The following ARFIP1 variants were observed in gnomAD, a reference collection of about 807,000 sequenced individuals.
ARFIP1 encodes the protein ARF interacting protein 1, also known as arfaptin-1.
In ARFIP1, 24 loss-of-function variants were observed where a neutral mutation model predicts 42.5. The observed-to-expected ratio is 0.57, with a 90% CI of 0.41 to 0.80. The LOEUF (loss-of-function observed/expected upper bound fraction) is 0.80. Ranked by LOEUF, ARFIP1 falls within the 30% of genes least tolerant of loss-of-function variation. The probability of loss-of-function intolerance (pLI) is 0.00; values close to 1 mark genes in which losing one functional copy is unlikely to be tolerated. For synonymous variants in ARFIP1, 141 were observed against 153.7 expected, an observed-to-expected ratio of 0.92 and a Z score of 0.61; for missense variants, 354 against 434.0, an observed-to-expected ratio of 0.82 and a Z score of 1.64.
At chr4:152,816,628 G>A (rs554084975) in intron 1 of ARFIP1, among the ~76,000 whole-genome samples, 1 of 152,320 alleles carries the variant, frequency 6.6e-6, no homozygotes, top group South Asian at 2.1e-4. Context: ...ATATTTGTTT[G>A]TTTTTCCCAA....
At chr4:152,828,954 A>T (rs1355209670) in intron 1 of ARFIP1, among the ~76,000 whole-genome samples, 2 of 152,188 alleles carry the variant, frequency 1.3e-5, no homozygotes, top group African/African-American at 4.8e-5. Context: ...CAGCACCATT[A>T]TTCCAGCACC....
In ARFIP1 at chr4:152,863,653, A is replaced by G. The variant is rs749980564; in HGVS notation, c.141A>G (p.Gln47=). Residue 47 remains glutamine (Q), a synonymous_variant, in exon 3 of 9, where the codon CAA becomes CAG. Coordinates refer to ENST00000353617, the MANE Select transcript of ARFIP1 (RefSeq NM_001025595.3). Reference sequence around the variant, plus strand: ...CTGGACTTGGTCTCTCAGAAACCCAAATTACATCTCATGGCTTTGACAATA... The same window carrying G: ...CTGGACTTGGTCTCTCAGAAACCCAGATTACATCTCATGGCTTTGACAATA... ...LPSGLGLSET[Q]ITSHGFDNTK... The G allele has an allele frequency of 1.2e-6, 2 of 1,611,650 alleles. No homozygotes were observed. Among genetic ancestry groups the G allele is most frequent in the East Asian group, 2.2e-5 (1 of 44,714 alleles).
chr4:152,830,170 T>A (rs1234762441), intron 2 of ARFIP1, among the ~76,000 whole-genome samples: 1 of 152,170 alleles, frequency 6.6e-6, no homozygotes, highest in Non-Finnish European at 1.5e-5. Context: ...CGGGGTGCAT[T>A]TAATTTTGAT....
chr4:152,893,610 GTTTTATTCTTA>G (rs1258687887), intron 8 of ARFIP1, among the ~76,000 whole-genome samples: 1 of 151,888 alleles, frequency 6.6e-6, no homozygotes, highest in Non-Finnish European at 1.5e-5. Flanking sequence ...AAAAGCAAGG[GTTTTATTCTTA>G]TTTTAAGAAG....
chr4:152,781,832 G>C (rs1174269065), intron 1 of ARFIP1, among the ~76,000 whole-genome samples: 1 of 152,236 alleles, frequency 6.6e-6, no homozygotes, highest in Non-Finnish European at 1.5e-5. Flanking sequence ...CCTGGATGAT[G>C]ACTTGGGGTT....
In ARFIP1 at chr4:152,882,874, G is replaced by T. The variant is rs1361047223; in HGVS notation, c.785G>T (p.Ser262Ile). ...TTAATGACTGTGAAACAGTATGAAA[G>T]TGCCAGGTAAGGTATACATTTTCAC... ...DTLMTVKQYESARIEYDAYRT... is the reference protein window; with the variant it reads ...DTLMTVKQYEIARIEYDAYRT... Residue 262 changes from serine (S) to isoleucine (I), a missense_variant, in exon 7 of 9, where the codon AGT becomes ATT. Physicochemically the swap from Ser to Ile is moderately radical, Grantham distance 142. Coordinates refer to ENST00000353617, the MANE Select transcript of ARFIP1 (RefSeq NM_001025595.3). 6.2e-7 allele frequency: 1 copy of T among 1,605,438 alleles called. No homozygotes were observed. The highest frequency in any genetic ancestry group is 8.5e-7 in the Non-Finnish European group (1 of 1,176,732).
intron 2 of ARFIP1, among the ~76,000 whole-genome samples, chr4:152,853,017 C>G (rs1733120040): frequency 6.6e-6 from 1 of 152,174 alleles, no homozygotes; most frequent in African/African-American, 2.4e-5. Flanking sequence ...TAGTAAAGAA[C>G]CCCAGCAGAC....
At chr4:152,852,589 C>T (rs377220500) in intron 2 of ARFIP1, among the ~76,000 whole-genome samples, 4 of 151,392 alleles carry the variant, frequency 2.6e-5, no homozygotes, top group African/African-American at 9.7e-5. Flanking sequence ...GCCAAGATCA[C>T]GCCATTGCAC....
chr4:152,867,115 A>G (rs539319826), intron 3 of ARFIP1, among the ~76,000 whole-genome samples: 1 of 152,230 alleles, frequency 6.6e-6, no homozygotes, highest in Non-Finnish European at 1.5e-5. Flanking sequence ...AGAGGCTGCA[A>G]TCTCGGCACT....
chr4:152,909,733 T>A (rs1738681065), intron 8 of ARFIP1, among the ~76,000 whole-genome samples: 1 of 152,218 alleles, frequency 6.6e-6, no homozygotes, highest in Admixed American at 6.5e-5. Flanking sequence ...CCCTTTTTGA[T>A]ATCTCACATG....
intron 1 of ARFIP1, among the ~76,000 whole-genome samples, chr4:152,808,836 AG>A (rs1729218093): frequency 4.6e-5 from 7 of 152,278 alleles, no homozygotes; most frequent in Middle Eastern, 6.8e-3. Flanking sequence ...TGGGAGGCCG[AG>A]GCATGCAGAT....
chr4:152,909,939 G>A, intron 8 of ARFIP1, 125 bp from the exon 9 acceptor site: 6 of 1,237,516 alleles, frequency 4.8e-6, no homozygotes, highest in Non-Finnish European at 6.8e-6. Flanking sequence ...GAAATACTTG[G>A]TCATTATTAA....
Position 152,821,338 on chromosome 4 carries a change from C to G in ARFIP1, c.-9-8287C>G, listed in dbSNP as rs535488078. On this transcript the variant is annotated intron_variant, in intron 1 of 8. Transcript: ENST00000353617. Reference sequence around the variant, plus strand: ...GGAAGCGAAAGACATATTTAGGGAACTACAACATGCAGTGGCAAGCTTTAA... The same window carrying G: ...GGAAGCGAAAGACATATTTAGGGAAGTACAACATGCAGTGGCAAGCTTTAA... Among the ~76,000 whole-genome samples the G allele has an allele frequency of 8.5e-5, 13 of 152,196 alleles. No individual in the cohort carries two copies. In the South Asian group the frequency reaches 2.3e-3, roughly 27 times the overall value.
Position 152,798,985 on chromosome 4 carries a change from T to C in ARFIP1, c.-10+18759T>C, listed in dbSNP as rs182965869. Among the ~76,000 whole-genome samples the C allele has an allele frequency of 1.2e-3, 183 of 152,370 alleles. 1 individual carries two copies. The highest frequency in any genetic ancestry group is 2.1e-3 in the Admixed American group (32 of 15,306). ...ATGAAGGTCAGGGAGATCTGAGTTCTGGTCTGGAACTTTGTTTTACATAGG... is the reference window on the plus strand; with the variant it reads ...ATGAAGGTCAGGGAGATCTGAGTTCCGGTCTGGAACTTTGTTTTACATAGG... On this transcript the variant is annotated intron_variant, in intron 1 of 8. Coordinates refer to ENST00000353617, the MANE Select transcript of ARFIP1 (RefSeq NM_001025595.3).
At chr4:152,811,207 C>T (rs4504228) in intron 1 of ARFIP1, among the ~76,000 whole-genome samples, 52,882 of 150,882 alleles carry the variant, frequency 0.35, 9,386 homozygotes, top group Middle Eastern at 0.42. Context: ...GCCGGCTACC[C>T]TTCATAAGTG....
At chr4:152,839,998 A>G (rs1027215656) in intron 2 of ARFIP1, among the ~76,000 whole-genome samples, 36 of 152,104 alleles carry the variant, frequency 2.4e-4, no homozygotes, top group African/African-American at 8.0e-4. Context: ...CCTTGTTTTC[A>G]TTTTTGAGCC....
intron 2 of ARFIP1, among the ~76,000 whole-genome samples, chr4:152,846,645 T>G (rs893774986): frequency 2.6e-5 from 4 of 152,114 alleles, no homozygotes; most frequent in Non-Finnish European, 4.4e-5. Context: ...TTAATAGAGA[T>G]AAAATTTTAT....
chr4:152,822,649 A>G (rs371562736), intron 1 of ARFIP1, among the ~76,000 whole-genome samples: 16 of 152,364 alleles, frequency 1.1e-4, no homozygotes, highest in African/African-American at 3.6e-4. Flanking sequence ...TCCAAGGTAT[A>G]TCACATGATA....
intron 8 of ARFIP1, among the ~76,000 whole-genome samples, chr4:152,904,278 G>A (rs62320562): frequency 0.043 from 6,452 of 148,988 alleles, 175 homozygotes; most frequent in South Asian, 0.11. Flanking sequence ...GCAACCCTCC[G>A]CCTCCATAGT....
Sources: gnomAD v4.1 joint callset for allele counts (sites outside exome capture counted in the v4.1 genomes callset) on GRCh38, gnomAD v4.1.1 for gene constraint, MANE v1.5 for transcripts, NCBI Gene and HGNC (gene_info 2026-07-23, HGNC 2026-07-21) for gene names.